The following TMEM18 variants were observed in gnomAD, a reference collection of about 807,000 sequenced individuals.
TMEM18 encodes the protein transmembrane protein 18.
TMEM18 carries 14 observed loss-of-function variants against 17.4 expected under a neutral mutation model. That is an observed-to-expected ratio of 0.80 (90% CI 0.53 to 1.25). TMEM18 has a LOEUF of 1.25. Among genes scored for constraint, TMEM18 ranks in the 50% most tolerant of loss-of-function variants. The pLI is 0.00. For synonymous variants in TMEM18, 86 were observed against 66.1 expected, an observed-to-expected ratio of 1.30 and a Z score of -1.46; for missense variants, 187 against 172.1, an observed-to-expected ratio of 1.09 and a Z score of -0.48.
intron 1 of TMEM18, 107 bp downstream of exon 1, chr2:677,182 C>G: frequency 7.1e-7 from 1 of 1,406,686 alleles, no homozygotes; most frequent in Non-Finnish European, 9.7e-7. Context: ...CAAGGCCCCG[C>G]CCACGGCCGG....
chr2:671,293 CG>C (rs975778584), intron 3 of TMEM18, among the ~76,000 whole-genome samples: 6 of 152,110 alleles, frequency 3.9e-5, no homozygotes, highest in African/African-American at 1.4e-4. Context: ...GGGAGGGCTT[CG>C]GGGAGGATGA....
chr2:669,822 A>C lies in TMEM18; in HGVS notation c.262T>G (p.Ser88Ala). The C allele has an allele frequency of 6.2e-7, 1 of 1,613,580 alleles. No individual in the cohort carries two copies. The highest frequency in any genetic ancestry group is 1.1e-5 in the South Asian group (1 of 90,908). ...ACTATAGAAATGAACATCCCCCTGG[A>C]GTCGAAATACTGGTATTTCGAAAAT... Reference protein sequence around the residue: ...RLFSKYQYFDSRGMFISIVFS... With the variant: ...RLFSKYQYFDARGMFISIVFS... The change falls in exon 4 of 5, where the codon TCC becomes GCC. Residue 88 changes from serine to alanine, a missense_variant. Coordinates refer to ENST00000281017, the MANE Select transcript of TMEM18 (RefSeq NM_152834.4).
chr2:670,225 A>T (rs919245468), intron 3 of TMEM18: 1 of 189,648 alleles, frequency 5.3e-6, no homozygotes, highest in Non-Finnish European at 1.1e-5. Flanking sequence ...TAACAACGTC[A>T]ATAATCCCCT....
chr2:676,734 C>T, intron 1 of TMEM18: 1 of 1,223,204 alleles, frequency 8.2e-7, no homozygotes, highest in Non-Finnish European at 1.1e-6. Flanking sequence ...GGGCAGCGTT[C>T]CTCCGTGCCA....
chr2:668,012 A>G lies in TMEM18; in HGVS notation c.*1568T>C, dbSNP rs562561450. On this transcript the variant is annotated 3_prime_UTR_variant, in exon 5 of 5. Transcript: ENST00000281017. Reference sequence around the variant, plus strand: ...AGAAGTTTAATTGACTCAGTTCCACATGGCCGGGGAGGCCTCGGGAAACTT... The same window carrying G: ...AGAAGTTTAATTGACTCAGTTCCACGTGGCCGGGGAGGCCTCGGGAAACTT... The G allele has an allele frequency of 6.6e-6, 1 of 152,366 alleles. No individual in the cohort carries two copies. The highest frequency in any genetic ancestry group is 2.1e-4 in the South Asian group (1 of 4,822). 9.4% of individuals were successfully genotyped at this position (152,366 alleles called of 1,614,324 possible).
chr2:675,895 T>C, intron 1 of TMEM18: 1 of 1,466,014 alleles, frequency 6.8e-7, no homozygotes, highest in Non-Finnish European at 9.1e-7. Flanking sequence ...CACACAGAAC[T>C]GAAGGCATCT....
rs1361810720 is a variant in TMEM18 at position 667,443 on chromosome 2, CAGTAG to C, written c.*2132_*2136del. On this transcript the variant is annotated 3_prime_UTR_variant, in exon 5 of 5. Coordinates refer to ENST00000281017, the MANE Select transcript of TMEM18 (RefSeq NM_152834.4). ...CCAAACCTCCTTTCCTGTACTTTAT[CAGTAG>C]AGTAAAAACATTTGTTCTACTTAAA... 4.6e-5 allele frequency: 7 copies of C among 152,166 alleles called. No individual in the cohort carries two copies. Among genetic ancestry groups the C allele is most frequent in the Non-Finnish European group, 8.8e-5 (6 of 68,028 alleles). The allele number at this position is 152,166 out of a possible 1,614,324, so 9.4% of individuals were successfully genotyped here.
At position 669,835 on chromosome 2, in the gene TMEM18, G is replaced by A. The variant is rs1359339388; in HGVS notation, c.249C>T (p.Tyr83=). 1 of 1,612,008 alleles carries A rather than the reference G, an allele frequency of 6.2e-7. No individual in the cohort carries two copies. Among genetic ancestry groups the A allele is most frequent in the Non-Finnish European group, 8.5e-7 (1 of 1,179,596 alleles). Residue 83 remains tyrosine (Y), a synonymous_variant, in exon 4 of 5, where the codon TAC becomes TAT. Coordinates refer to ENST00000281017, the MANE Select transcript of TMEM18 (RefSeq NM_152834.4). ...AAMNWRLFSK[Y]QYFDSRGMFI... ...ACATCCCCCTGGAGTCGAAATACTG[G>A]TATTTCGAAAATAATCTGTTTAAAA...
chr2:667,971 GA>G lies in TMEM18; in HGVS notation c.*1608del, dbSNP rs1265867729. 1 of 152,202 alleles carries G rather than the reference GA, an allele frequency of 6.6e-6. No individual in the cohort carries two copies. Among genetic ancestry groups the G allele is most frequent in the Non-Finnish European group, 1.5e-5 (1 of 68,042 alleles). 9.4% of individuals were successfully genotyped at this position (152,202 alleles called of 1,614,324 possible). A position where few individuals can be genotyped will look rare whatever the true frequency, so the allele number is the denominator to read the frequency against. On this transcript the variant is annotated 3_prime_UTR_variant, in exon 5 of 5. Transcript: ENST00000281017. ...CTATAAAGATACTACCTGAGACCTG[GA>G]TTACTTTATAAACAAGAAGTTTAAT...
rs912332753 is a variant in TMEM18 at position 668,776 on chromosome 2, C to A, written c.*804G>T. On this transcript the variant is annotated 3_prime_UTR_variant, in exon 5 of 5. Coordinates refer to ENST00000281017, the MANE Select transcript of TMEM18 (RefSeq NM_152834.4). ...AACAGAACTGGGAGCATTGTGTTCC[C>A]AAGCACCTAAATCAACAGAACACCA... is the stretch of plus-strand genomic sequence containing the variant. 2.6e-5 allele frequency: 4 copies of A among 152,184 alleles called. No homozygotes were observed. The highest frequency in any genetic ancestry group is 4.8e-5 in the African/African-American group (2 of 41,432). 9.4% of individuals were successfully genotyped at this position (152,184 alleles called of 1,614,324 possible).
At position 665,333 on chromosome 2, in the gene TMEM18, G is replaced by T. The variant is rs998777236; in HGVS notation, c.*4247C>A. Among the ~76,000 whole-genome samples, 1 of 150,958 alleles carries T rather than the reference G, an allele frequency of 6.6e-6. No homozygotes were observed. Among genetic ancestry groups the T allele is most frequent in the African/African-American group, 2.4e-5 (1 of 40,868 alleles). ...TAAAATAGAACCCAGAGATGCAGATGCACCACTCACTCAGATAGAGAATCA... is the reference window on the plus strand; with the variant it reads ...TAAAATAGAACCCAGAGATGCAGATTCACCACTCACTCAGATAGAGAATCA... On this transcript the variant is annotated 3_prime_UTR_variant, in exon 5 of 5. Transcript: ENST00000281017.
At chr2:670,046 A>G (rs1327237420) in intron 3 of TMEM18, 196 bp from the exon 4 acceptor site, 1 of 566,322 alleles carries the variant, frequency 1.8e-6, no homozygotes, top group East Asian at 3.0e-5. Flanking sequence ...CATTATGAAG[A>G]AAACACACTG....
chr2:669,626 G>C lies in TMEM18; in HGVS notation c.377C>G (p.Ala126Gly). The stretch of plus-strand genomic sequence containing the variant: ...TTTCTTTTCCTTTCTTCTCTCTTGT[G>C]CATTCTTCAGGTCAGTCATCACATT... ...TLNVMTDLKN[A>G]QERRKEKKRR... Residue 126 changes from alanine to glycine, a missense_variant, in exon 5 of 5, where the codon GCA becomes GGA. By Grantham distance (60) the Ala-to-Gly change is moderately conservative. Coordinates refer to ENST00000281017, the MANE Select transcript of TMEM18 (RefSeq NM_152834.4). 6.2e-7 allele frequency: 1 copy of C among 1,614,154 alleles called. No individual in the cohort carries two copies. The highest frequency in any genetic ancestry group is 8.5e-7 in the Non-Finnish European group (1 of 1,180,042).
At chr2:677,070 T>A (rs1461491468) in intron 1 of TMEM18, 2 of 190,446 alleles carry the variant, frequency 1.1e-5, no homozygotes, top group Non-Finnish European at 1.7e-5. Flanking sequence ...CCCGGCCCCC[T>A]CCCACAGGGC....
At chr2:676,909 C>G (rs1659255745) in intron 1 of TMEM18, 3 of 505,862 alleles carry the variant, frequency 5.9e-6, no homozygotes, top group Non-Finnish European at 1.0e-5. Context: ...CACGCCCGCA[C>G]GGTGCAGGAC....
intron 2 of TMEM18, among the ~76,000 whole-genome samples, chr2:674,650 T>A (rs932225793): frequency 6.6e-6 from 1 of 152,208 alleles, no homozygotes; most frequent in Non-Finnish European, 1.5e-5. Flanking sequence ...CAAACCCTCA[T>A]CACTTCTCCA....
chr2:670,970 T>G (rs910238043), intron 3 of TMEM18: 2 of 152,298 alleles, frequency 1.3e-5, no homozygotes, highest in Admixed American at 6.5e-5. Context: ...GTGAAGGGCA[T>G]GGAACACACT....
rs1050255322 is a variant in TMEM18 at position 676,012 on chromosome 2, G to A, written c.58-382C>T. 16 of 1,306,012 alleles carry A rather than the reference G, an allele frequency of 1.2e-5. No homozygotes were observed. In the Admixed American group the frequency reaches 1.9e-4, roughly 15 times the overall value. 80.9% of individuals were successfully genotyped at this position (1,306,012 alleles called of 1,614,324 possible). On this transcript the variant is annotated intron_variant, in intron 1 of 4. Transcript: ENST00000281017. ...ATAATTGGTTATGATAATTGGTGAC[G>A]ACAAGGAAATTAAGACGATTGCTCA...
At chr2:672,424 CT>C (rs1678874266) in intron 3 of TMEM18, among the ~76,000 whole-genome samples, 1 of 152,138 alleles carries the variant, frequency 6.6e-6, no homozygotes, top group Non-Finnish European at 1.5e-5. Flanking sequence ...CAGAAGCCCC[CT>C]ACTCAGGTCC....
Sources: allele counts gnomAD v4.1 joint callset (sites outside exome capture counted in the v4.1 genomes callset), GRCh38; gene constraint gnomAD v4.1.1; transcripts MANE v1.5; gene names NCBI Gene and HGNC (gene_info 2026-07-23, HGNC 2026-07-21).